ADGRG4: variants seen among roughly 807,000 people sequenced by gnomAD.
The protein encoded by ADGRG4 is adhesion G protein-coupled receptor G4, also known as G protein-coupled receptor 112.
In ADGRG4, 122 loss-of-function variants were observed where a neutral mutation model predicts 126.2. The ratio of observed to expected loss-of-function variants is 0.97; its 90% CI spans 0.83 to 1.12. The LOEUF (loss-of-function observed/expected upper bound fraction) is 1.12, where lower values mean the gene tolerates loss of function less well. Among genes scored for constraint, ADGRG4 ranks in the 50% most tolerant of loss-of-function variants. The pLI is 0.00. For missense variants in ADGRG4, 2,481 were observed against 2,251.8 expected (o/e 1.10, Z -2.06); for synonymous variants, 943 against 838.7 (o/e 1.12, Z -2.15).
Position 136,346,279 on chromosome X carries a change from T to C in ADGRG4, c.2573T>C (p.Val858Ala). ...YLMRKSTIAA[V>A]AEVSPFSTML... ...ATGAGAAAATCAACTATAGCAGCAG[T>C]GGCTGAGGTTTCTCCATTTTCAACA... is the stretch of plus-strand genomic sequence containing the variant. Residue 858 changes from valine (V) to alanine (A), a missense_variant, in exon 6 of 26, where the codon GTG (valine) becomes GCG (alanine). Physicochemically the swap from Val to Ala is moderately conservative, Grantham distance 64. Coordinates refer to ENST00000394143, the MANE Select transcript of ADGRG4 (RefSeq NM_153834.4). 8.3e-7 allele frequency: 1 copy of C among 1,210,711 alleles called. No individual in the cohort carries two copies.
At chrX:136,308,925 C>T in intron 4 of ADGRG4, 78 bp downstream of exon 4, 1 of 624,268 alleles carries the variant, frequency 1.6e-6, no homozygotes, top group Non-Finnish European at 2.6e-6. Flanking sequence ...TTGAAAAATA[C>T]TACCAATGGA....
chrX:136,377,182 TTTTTTTTTTG>T (rs1172530801), intron 15 of ADGRG4, among the ~76,000 whole-genome samples: 185 of 91,472 alleles, frequency 2.0e-3, no homozygotes, highest in African/African-American at 7.7e-3. Flanking sequence ...TTTTTTTTTT[TTTTTTTTTTG>T]TTGTTGTTGT....
rs188512960 is a variant in ADGRG4 at position 136,345,444 on chromosome X, A to G, written c.1738A>G (p.Thr580Ala). The change falls in exon 6 of 26, where the codon ACA (threonine) becomes GCA (alanine). Residue 580 changes from threonine (T) to alanine (A), a missense_variant. Coordinates refer to ENST00000394143, the MANE Select transcript of ADGRG4 (RefSeq NM_153834.4). Reference protein sequence around the residue: ...SVQTVIDAEATRTALTPEITL... With the variant: ...SVQTVIDAEAARTALTPEITL... Reference sequence around the variant, plus strand: ...ACAGACAGTTATTGATGCTGAAGCTACACGTACAGCCTTAACTCCTGAAAT... The same window carrying G: ...ACAGACAGTTATTGATGCTGAAGCTGCACGTACAGCCTTAACTCCTGAAAT... 6.6e-6 allele frequency: 8 copies of G among 1,207,209 alleles called. No individual in the cohort carries two copies. In the East Asian group the frequency reaches 2.4e-4, roughly 36 times the overall value.
intron 5 of ADGRG4, among the ~76,000 whole-genome samples, chrX:136,334,074 C>CTCTTTTCTT (rs1424866480): frequency 1.1e-5 from 1 of 88,934 alleles, no homozygotes; most frequent in African/African-American, 4.1e-5. Flanking sequence ...GAGGTTCTCT[C>CTCTTTTCTT]TCTTTCTTTC....
Position 136,344,524 on chromosome X carries a change from G to C in ADGRG4, c.818G>C (p.Ser273Thr). The part of the protein sequence containing the change: ...TAHSSTLLSQ[S>T]IPIFATDYTT... ...CATTCCTCTACACTATTGTCTCAAA[G>C]CATACCTATATTTGCAACTGATTAC... Residue 273 changes from serine (S) to threonine (T), a missense_variant, in exon 6 of 26, where the codon AGC becomes ACC. By Grantham distance (58) the Ser-to-Thr change is moderately conservative. Coordinates refer to ENST00000394143, the MANE Select transcript of ADGRG4 (RefSeq NM_153834.4). The C allele has an allele frequency of 1.7e-6, 2 of 1,207,120 alleles. No homozygotes were observed. Among genetic ancestry groups the C allele is most frequent in the Non-Finnish European group, 2.2e-6 (2 of 891,719 alleles).
At chrX:136,332,231 C>T (rs1349518716) in intron 5 of ADGRG4, among the ~76,000 whole-genome samples, 2 of 104,769 alleles carry the variant, frequency 1.9e-5, no homozygotes, top group African/African-American at 7.0e-5. Context: ...GTTCAGTTCC[C>T]ACCTATGAGT....
At chrX:136,301,893 G>C (rs1346055831) in intron 1 of ADGRG4, among the ~76,000 whole-genome samples, 1 of 111,834 alleles carries the variant, frequency 8.9e-6, no homozygotes, top group Non-Finnish European at 1.9e-5. Flanking sequence ...GATAGTTGCA[G>C]ATATGTGGCA....
At chrX:136,405,391 T>C (rs2148499916) in intron 22 of ADGRG4, among the ~76,000 whole-genome samples, 1 of 111,525 alleles carries the variant, frequency 9.0e-6, no homozygotes, top group South Asian at 3.9e-4. Flanking sequence ...TTCGTTTTTC[T>C]GCTGTTAACG....
chrX:136,307,514 T>A (rs1026024155), intron 3 of ADGRG4, among the ~76,000 whole-genome samples: 1 of 112,342 alleles, frequency 8.9e-6, no homozygotes, highest in Non-Finnish European at 1.9e-5. Flanking sequence ...TCCCTTATTA[T>A]TCTAATGAGA....
intron 4 of ADGRG4, among the ~76,000 whole-genome samples, chrX:136,312,152 A>G (rs1248245734): frequency 8.9e-6 from 1 of 112,586 alleles, no homozygotes; most frequent in African/African-American, 3.2e-5. Context: ...AAATTAAGTT[A>G]AAAATTCAGT....
At position 136,346,315 on chromosome X, in the gene ADGRG4, T is replaced by A. The variant is rs996829749; in HGVS notation, c.2609T>A (p.Val870Glu). The change falls in exon 6 of 26, where the codon GTG (valine) becomes GAG (glutamate). Residue 870 changes from valine to glutamate, a missense_variant. By Grantham distance (121) the Val-to-Glu change is moderately radical. Coordinates refer to ENST00000394143, the MANE Select transcript of ADGRG4 (RefSeq NM_153834.4). The stretch of plus-strand genomic sequence containing the variant: ...TCTCCATTTTCAACAATGCTGGAAG[T>A]GACAGACGAATCAGCACAAAGGGTG... The part of the protein sequence containing the change: ...EVSPFSTMLE[V>E]TDESAQRVTA... 3 of 1,211,102 alleles carry A rather than the reference T, an allele frequency of 2.5e-6. No homozygotes were observed. Among genetic ancestry groups the A allele is most frequent in the Non-Finnish European group, 3.4e-6 (3 of 895,067 alleles).
chrX:136,342,879 AGTGTGTGTGTGTGT>A (rs58303622), intron 5 of ADGRG4, among the ~76,000 whole-genome samples: 11 of 87,378 alleles, frequency 1.3e-4, no homozygotes, highest in Admixed American at 7.9e-4. Context: ...AAGAGAGCTC[AGTGTGTGTGTGTGT>A]GTGTGTGTGT....
intron 13 of ADGRG4, among the ~76,000 whole-genome samples, chrX:136,369,958 A>AG (rs1231939133): frequency 1.1e-4 from 12 of 111,384 alleles, no homozygotes; most frequent in African/African-American, 3.9e-4. Context: ...AGTTGTTTGC[A>AG]GGAAAAAAAA....
rs778349825 is a variant in ADGRG4, at chrX:136,345,772, A to T, written c.2066A>T (p.Asn689Ile). 2.6e-5 allele frequency: 31 copies of T among 1,207,807 alleles called. No individual in the cohort carries two copies. The highest frequency in any genetic ancestry group is 1.1e-6 in the Non-Finnish European group (1 of 893,275). ...NENFTSAFHE[N>I]TTYTEYLSAT... ...AATTTTACATCAGCATTTCATGAGA[A>T]TACTACTTATACAGAATATTTATCC... The change falls in exon 6 of 26, where the codon AAT becomes ATT. Residue 689 changes from asparagine to isoleucine, a missense_variant. Transcript: ENST00000394143.
intron 15 of ADGRG4, among the ~76,000 whole-genome samples, chrX:136,376,129 T>A (rs2075224080): frequency 8.9e-6 from 1 of 112,090 alleles, no homozygotes; most frequent in Non-Finnish European, 1.9e-5. Flanking sequence ...GCTTACCAAT[T>A]ATCCCAGCAC....
chrX:136,378,966 C>A (rs986220438), intron 15 of ADGRG4, among the ~76,000 whole-genome samples: 1 of 111,122 alleles, frequency 9.0e-6, no homozygotes, highest in African/African-American at 3.3e-5. Context: ...TTTGTGATTT[C>A]TTTGTCAGGC....
At chrX:136,389,074 C>T (rs755862398) in intron 16 of ADGRG4, among the ~76,000 whole-genome samples, 118 of 111,698 alleles carry the variant, frequency 1.1e-3, no homozygotes, top group Non-Finnish European at 1.8e-3. Context: ...TATACCATGT[C>T]ACCTCCAGCT....
Position 136,357,737 on chromosome X carries a change from A to G in ADGRG4, c.6961A>G (p.Ile2321Val). 8.5e-7 allele frequency: 1 copy of G among 1,180,305 alleles called. No homozygotes were observed. The highest frequency in any genetic ancestry group is 1.2e-6 in the Non-Finnish European group (1 of 867,936). The change falls in exon 10 of 26, where the codon ATT becomes GTT. Residue 2321 changes from isoleucine to valine, a missense_variant. Coordinates refer to ENST00000394143, the MANE Select transcript of ADGRG4 (RefSeq NM_153834.4). The part of the protein sequence containing the change: ...EQREGQEMAT[I>V]SYVPYSCVCQ... ...GAGAGAAGGACAAGAAATGGCTACA[A>G]TTTCCTATGTACCATACAGGTAGGA...
intron 12 of ADGRG4, among the ~76,000 whole-genome samples, chrX:136,362,621 C>T (rs1047060527): frequency 1.8e-5 from 2 of 111,222 alleles, no homozygotes; most frequent in Admixed American, 9.6e-5. Flanking sequence ...TTATCATACG[C>T]TCCAGTCAAA....
Sources: gnomAD v4.1 joint callset for allele counts (sites outside exome capture counted in the v4.1 genomes callset) on GRCh38, gnomAD v4.1.1 for gene constraint, MANE v1.5 for transcripts, NCBI Gene and HGNC (gene_info 2026-07-23, HGNC 2026-07-21) for gene names.